DGKH: variants seen among roughly 807,000 people sequenced by gnomAD.
DGKH encodes diacylglycerol kinase eta, also known as DAG kinase eta.
A neutral mutation model predicts 159.3 loss-of-function variants in DGKH; 90 were observed. The observed-to-expected ratio is 0.57, with a 90% CI of 0.48 to 0.67. DGKH has a LOEUF of 0.67. DGKH is among the 30% of genes least tolerant of loss of function. The pLI is 0.00. For missense variants in DGKH, 1,181 were observed against 1,506.1 expected (o/e 0.78, Z 3.57); for synonymous variants, 536 against 553.8 (o/e 0.97, Z 0.45).
At position 42,209,208 on chromosome 13, in the gene DGKH, A is replaced by G. The variant is rs894398929; in HGVS notation, c.2716-123A>G. 6.4e-6 allele frequency: 9 copies of G among 1,409,208 alleles called. No homozygotes were observed. The African/African-American group carries it at 1.0e-4, about 16-fold the overall frequency. 87.3% of individuals were successfully genotyped at this position (1,409,208 alleles called of 1,614,324 possible). A position where few individuals can be genotyped will look rare whatever the true frequency, so the allele number is the denominator to read the frequency against. On this transcript the variant is annotated intron_variant, in intron 22 of 29. Coordinates refer to ENST00000337343, the MANE Select transcript of DGKH (RefSeq NM_178009.5). Reference sequence around the variant, plus strand: ...TTGTCATATCAGTTTTTACCATGTCATTTATAAGTGATAAAGCATAATAGT... The same window carrying G: ...TTGTCATATCAGTTTTTACCATGTCGTTTATAAGTGATAAAGCATAATAGT...
intron 3 of DGKH, among the ~76,000 whole-genome samples, chr13:42,136,986 TTC>T (rs2137868567): frequency 6.6e-6 from 1 of 152,344 alleles, no homozygotes; most frequent in African/African-American, 2.4e-5. Flanking sequence ...AAATTATGCA[TTC>T]ATAATATAAT....
chr13:42,161,306 G>A (rs1423578622), intron 7 of DGKH, among the ~76,000 whole-genome samples: 1 of 152,152 alleles, frequency 6.6e-6, no homozygotes, highest in East Asian at 1.9e-4. Context: ...ATTTACTAAA[G>A]TCGATTTCTC....
At chr13:42,203,530 A>G (rs1957394907) in intron 20 of DGKH, among the ~76,000 whole-genome samples, 1 of 152,252 alleles carries the variant, frequency 6.6e-6, no homozygotes, top group Admixed American at 6.5e-5. Flanking sequence ...ACTAAGTGAC[A>G]GAATTCAATC....
At chr13:42,092,779 G>A (rs865864713) in intron 1 of DGKH, among the ~76,000 whole-genome samples, 23 of 152,122 alleles carry the variant, frequency 1.5e-4, no homozygotes, top group African/African-American at 5.1e-4. Flanking sequence ...AAAGGTAAAT[G>A]TTTAAGGTGA....
rs1223953901 is a variant in DGKH at position 42,135,489 on chromosome 13, C to CACAAAAAAAAAAAAA, written c.384+5858_384+5859insCAAAAAAAAAAAAAA. 4.3e-4 allele frequency among the ~76,000 whole-genome samples: 22 copies of CACAAAAAAAAAAAAA among 50,812 alleles called. 2 individuals are homozygous for CACAAAAAAAAAAAAA. Among genetic ancestry groups the CACAAAAAAAAAAAAA allele is most frequent in the South Asian group, 8.7e-4 (1 of 1,148 alleles). 33.3% of individuals were successfully genotyped at this position (50,812 alleles called of 152,430 possible). ...TGGGTGGCAGAGAAAGACCCTGTCT[C>CACAAAAAAAAAAAAA]AGAAAAAAAAAAAAAAAAAGAGAGA... On this transcript the variant is annotated intron_variant, in intron 3 of 29. Coordinates refer to ENST00000337343, the MANE Select transcript of DGKH (RefSeq NM_178009.5).
chr13:42,166,518 T>A lies in DGKH; in HGVS notation c.962T>A (p.Phe321Tyr), dbSNP rs775541785. The A allele has an allele frequency of 3.3e-6, 5 of 1,532,010 alleles. No individual in the cohort carries two copies. The highest frequency in any genetic ancestry group is 1.4e-5 in the African/African-American group (1 of 71,564). The allele number at this position is 1,532,010 out of a possible 1,614,324, so 94.9% of individuals were successfully genotyped here. ...TTGTGTTGTGTTTTTTTCACAGGTT[T>A]CTGTAGAGCAACATTTTCGTTCTGT... ...IALNSTDSDG[F>Y]CRATFSFCVS... The change falls in exon 9 of 30, where the codon TTC becomes TAC. Residue 321 changes from phenylalanine to tyrosine, a missense_variant. Phe to Tyr is a conservative substitution (Grantham distance 22). Around this residue, in one of 5 missense-constraint regions of DGKH, gnomAD observed 369 missense variants for 519.4 expected, o/e 0.71. Coordinates refer to ENST00000337343, the MANE Select transcript of DGKH (RefSeq NM_178009.5).
chr13:42,076,189 TA>T (rs1954095997), intron 1 of DGKH, among the ~76,000 whole-genome samples: 1 of 152,216 alleles, frequency 6.6e-6, no homozygotes, highest in Non-Finnish European at 1.5e-5. Context: ...CTTAAGTTTT[TA>T]AAAATCACTT....
In DGKH at chr13:42,209,063, A is replaced by G; in HGVS notation, c.2706A>G (p.Arg902=). The change falls in exon 22 of 30, where the codon CGA becomes CGG. Residue 902 remains arginine (R), a synonymous_variant. Coordinates refer to ENST00000337343, the MANE Select transcript of DGKH (RefSeq NM_178009.5). ...VSRVIKLQHH[R]IAQCRTVKIT... is the part of the protein sequence containing the mutation. ...GGGTCATTAAACTGCAGCATCATCG[A>G]ATAGCCCAGGTTGGTTTCTCTCGTC... 1.2e-6 allele frequency: 2 copies of G among 1,610,368 alleles called. No homozygotes were observed. Among genetic ancestry groups the G allele is most frequent in the Non-Finnish European group, 1.7e-6 (2 of 1,178,324 alleles).
chr13:42,115,081 A>C (rs1281753062), intron 1 of DGKH, among the ~76,000 whole-genome samples: 1 of 152,262 alleles, frequency 6.6e-6, no homozygotes, highest in Non-Finnish European at 1.5e-5. Flanking sequence ...ATGTGAAGTC[A>C]CAGAGCTAGT....
At chr13:42,086,543 T>G (rs1288040270) in intron 1 of DGKH, among the ~76,000 whole-genome samples, 2 of 152,238 alleles carry the variant, frequency 1.3e-5, no homozygotes, top group African/African-American at 2.4e-5. Context: ...CAAAAATCAG[T>G]TATAATATGT....
chr13:42,092,478 G>C (rs1475856413), intron 1 of DGKH, among the ~76,000 whole-genome samples: 1 of 152,130 alleles, frequency 6.6e-6, no homozygotes, highest in Non-Finnish European at 1.5e-5. Context: ...TTATATGAAG[G>C]GGAATAAACC....
chr13:42,096,888 G>A (rs1381148455), intron 1 of DGKH, among the ~76,000 whole-genome samples: 2 of 152,150 alleles, frequency 1.3e-5, no homozygotes, highest in Non-Finnish European at 2.9e-5. Flanking sequence ...GTGGGTTTCC[G>A]TGTCTGAAGA....
intron 3 of DGKH, among the ~76,000 whole-genome samples, chr13:42,152,014 T>C (rs1447719088): frequency 5.3e-5 from 8 of 152,222 alleles, no homozygotes; most frequent in African/African-American, 1.7e-4. Context: ...TGGTTTTAGT[T>C]TGCATTTCTC....
At chr13:42,040,291 G>T (rs1880395478) in intron 1 of DGKH, among the ~76,000 whole-genome samples, 1 of 152,188 alleles carries the variant, frequency 6.6e-6, no homozygotes, top group African/African-American at 2.4e-5. Flanking sequence ...ACCCGCGTCT[G>T]CTCCCGTCGC....
At chr13:42,111,584 A>C (rs1954863780) in intron 1 of DGKH, among the ~76,000 whole-genome samples, 1 of 152,242 alleles carries the variant, frequency 6.6e-6, no homozygotes, top group South Asian at 2.1e-4. Context: ...TCTCAAAAAA[A>C]AATATGTTGG....
chr13:42,127,183 G>A (rs1456122469), intron 1 of DGKH, among the ~76,000 whole-genome samples: 2 of 152,162 alleles, frequency 1.3e-5, no homozygotes, highest in African/African-American at 4.8e-5. Context: ...ATACAAGGCA[G>A]TGTGCACATA....
At chr13:42,041,824 C>T (rs1880525614) in intron 1 of DGKH, among the ~76,000 whole-genome samples, 1 of 152,308 alleles carries the variant, frequency 6.6e-6, no homozygotes, top group African/African-American at 2.4e-5. Context: ...CTGAAAAGCC[C>T]CGTCCGAAAT....
At chr13:42,139,202 G>A (rs1383770318) in intron 3 of DGKH, among the ~76,000 whole-genome samples, 1 of 152,194 alleles carries the variant, frequency 6.6e-6, no homozygotes, top group African/African-American at 2.4e-5. Context: ...AAGATAAGGT[G>A]TGGAAGAAGA....
intron 21 of DGKH, among the ~76,000 whole-genome samples, chr13:42,207,187 T>G (rs1957527884): frequency 7.4e-6 from 1 of 134,742 alleles, no homozygotes; most frequent in Non-Finnish European, 1.6e-5. Context: ...CCTTCCTTCC[T>G]TCCTTCCTTC....
Sources: gnomAD v4.1 joint callset for allele counts (sites outside exome capture counted in the v4.1 genomes callset) on GRCh38, gnomAD v4.1.1 for gene constraint, gnomAD v4.1.1 regional missense constraint, MANE v1.5 for transcripts, NCBI Gene and HGNC (gene_info 2026-07-23, HGNC 2026-07-21) for gene names.